The following PCOLCE2 variants were observed in gnomAD, a reference collection of about 807,000 sequenced individuals.
PCOLCE2 encodes procollagen C-proteinase enhancer 2.
PCOLCE2 carries 42 observed loss-of-function variants against 47.0 expected under a neutral mutation model. The ratio of observed to expected loss-of-function variants is 0.89; its 90% confidence interval spans 0.70 to 1.16. The LOEUF (loss-of-function observed/expected upper bound fraction) is 1.16, where lower values mean the gene tolerates loss of function less well. Ranked by LOEUF, PCOLCE2 falls within the 50% of genes most tolerant of loss-of-function variation. The probability of loss-of-function intolerance (pLI) is 0.00; values close to 1 mark genes in which losing one functional copy is unlikely to be tolerated. For missense variants in PCOLCE2, 500 were observed against 526.1 expected (o/e 0.95, Z 0.49); for synonymous variants, 169 against 191.7 (o/e 0.88, Z 0.98).
intron 6 of PCOLCE2, among the ~76,000 whole-genome samples, chr3:142,826,844 A>G (rs1369645086): frequency 6.6e-6 from 1 of 151,850 alleles, no homozygotes; most frequent in Non-Finnish European, 1.5e-5. Context: ...ATTCCCTTCC[A>G]CGGCTTTCAC....
chr3:142,842,733 C>CT lies in PCOLCE2; in HGVS notation c.573+190dup, dbSNP rs1937277752. ...CAGACAGGGCGACAAGAGCGAAACTCTGTCTCAAAAAAAAAAAAAAATATC... is the reference window on the plus strand; with the variant it reads ...CAGACAGGGCGACAAGAGCGAAACTCTTGTCTCAAAAAAAAAAAAAAATATC... On this transcript the variant is annotated intron_variant, in intron 4 of 8. Coordinates refer to ENST00000295992, the MANE Select transcript of PCOLCE2 (RefSeq NM_013363.4). This position sits in a 1 kb window ranked among gnomAD's most constrained non-coding sequence, Gnocchi z 4.1. Among the ~76,000 whole-genome samples the CT allele has an allele frequency of 6.7e-6, 1 of 148,448 alleles. No individual in the cohort carries two copies. Among genetic ancestry groups the CT allele is most frequent in the African/African-American group, 2.5e-5 (1 of 39,480 alleles).
intron 8 of PCOLCE2, among the ~76,000 whole-genome samples, chr3:142,819,390 G>C (rs1385156681): frequency 2.0e-5 from 3 of 152,144 alleles, no homozygotes; most frequent in African/African-American, 7.2e-5. Context: ...TTCCTGTGTG[G>C]GTGGACCTTG....
Position 142,821,032 on chromosome 3 carries a change from A to C in PCOLCE2, c.963T>G (p.Thr321=). The C allele has an allele frequency of 2.5e-6, 4 of 1,608,826 alleles. No homozygotes were observed. The South Asian group carries it at 4.4e-5, about 18-fold the overall frequency. The change falls in exon 8 of 9, where the codon ACT becomes ACG. Residue 321 remains threonine, a synonymous_variant. Transcript: ENST00000295992. ...YCSSDFVLAG[T]VITTITRDGS... ...CATCGCGAGTGATGGTTGTGATAAC[A>C]GTGCCGGCTAATACTGCAGAAGAAA... is the stretch of plus-strand genomic sequence containing the variant.
At chr3:142,830,424 A>G (rs1163868534) in intron 5 of PCOLCE2, among the ~76,000 whole-genome samples, 1 of 152,232 alleles carries the variant, frequency 6.6e-6, no homozygotes, top group Non-Finnish European at 1.5e-5. Flanking sequence ...TATCTTTTCT[A>G]TCCACTCCGG....
chr3:142,860,721 T>C (rs1933166356), intron 2 of PCOLCE2, among the ~76,000 whole-genome samples: 1 of 152,250 alleles, frequency 6.6e-6, no homozygotes, highest in Admixed American at 6.5e-5. Context: ...GCCTTGTTCT[T>C]TAAGTTAGCT....
chr3:142,886,347 T>C (rs999947240), intron 2 of PCOLCE2, among the ~76,000 whole-genome samples: 2 of 151,246 alleles, frequency 1.3e-5, no homozygotes, highest in African/African-American at 4.9e-5. Context: ...CTAGGGTCGT[T>C]TAAAACTTAT....
At chr3:142,870,727 A>G (rs991872651) in intron 2 of PCOLCE2, among the ~76,000 whole-genome samples, 4 of 94,204 alleles carry the variant, frequency 4.2e-5, no homozygotes, top group East Asian at 2.6e-4. Flanking sequence ...TTTTTTTTTT[A>G]CTATATACTG....
chr3:142,888,888 G>A lies in PCOLCE2; in HGVS notation c.9C>T (p.Gly3=), dbSNP rs1423664053. 5 of 1,503,258 alleles carry A rather than the reference G, an allele frequency of 3.3e-6. No individual in the cohort carries two copies. The highest frequency in any genetic ancestry group is 2.7e-5 in the East Asian group (1 of 37,026). 93.1% of individuals were successfully genotyped at this position (1,503,258 alleles called of 1,614,324 possible). A position where few individuals can be genotyped will look rare whatever the true frequency, so the allele number is the denominator to read the frequency against. MR[G]ANAWAPLCLL... Reference sequence around the variant, plus strand: ...GGCAGAGTGGCGCCCAGGCGTTCGCGCCCCTCATGGCAGCGTAGACGCTCG... The same window carrying A: ...GGCAGAGTGGCGCCCAGGCGTTCGCACCCCTCATGGCAGCGTAGACGCTCG... Residue 3 remains glycine (G), a synonymous_variant, in exon 1 of 9, where the codon GGC becomes GGT. Coordinates refer to ENST00000295992, the MANE Select transcript of PCOLCE2 (RefSeq NM_013363.4).
intron 2 of PCOLCE2, among the ~76,000 whole-genome samples, chr3:142,861,701 G>A (rs1183505445): frequency 1.3e-5 from 2 of 152,184 alleles, no homozygotes; most frequent in Non-Finnish European, 2.9e-5. Flanking sequence ...TTTGGGCTCT[G>A]CCTTTTCATG....
At chr3:142,861,956 G>A (rs761960417) in intron 2 of PCOLCE2, among the ~76,000 whole-genome samples, 5 of 152,166 alleles carry the variant, frequency 3.3e-5, no homozygotes, top group African/African-American at 7.2e-5. Context: ...AGCTTTCATC[G>A]GAGGAGCAGG....
At chr3:142,851,026 T>G (rs1932928395) in intron 2 of PCOLCE2, among the ~76,000 whole-genome samples, 1 of 152,118 alleles carries the variant, frequency 6.6e-6, no homozygotes, top group Non-Finnish European at 1.5e-5. Context: ...CAGGGACAGT[T>G]TTGCCCAATG....
At chr3:142,880,239 A>T (rs1578052044) in intron 2 of PCOLCE2, among the ~76,000 whole-genome samples, 1 of 125,984 alleles carries the variant, frequency 7.9e-6, no homozygotes, top group Non-Finnish European at 1.6e-5. Flanking sequence ...CATATACATT[A>T]AAAAAAAAAA....
chr3:142,833,993 A>G (rs1485727821), intron 5 of PCOLCE2, among the ~76,000 whole-genome samples: 1 of 152,074 alleles, frequency 6.6e-6, no homozygotes, highest in Non-Finnish European at 1.5e-5. Context: ...ATTAGCTATG[A>G]ATATAATTTC....
chr3:142,848,960 T>C (rs1238398365), intron 2 of PCOLCE2, among the ~76,000 whole-genome samples: 1 of 152,136 alleles, frequency 6.6e-6, no homozygotes, highest in Non-Finnish European at 1.5e-5. Flanking sequence ...GAGACCATCC[T>C]GGCTAACACA....
chr3:142,827,701 C>G, intron 6 of PCOLCE2: 1 of 1,069,944 alleles, frequency 9.3e-7, no homozygotes, highest in Non-Finnish European at 1.4e-6. Flanking sequence ...TGGGGAGGGG[C>G]GCGCTGTGAC....
chr3:142,841,072 C>T (rs1937259999), intron 4 of PCOLCE2, among the ~76,000 whole-genome samples: 1 of 113,804 alleles, frequency 8.8e-6, no homozygotes, highest in Non-Finnish European at 1.8e-5. Context: ...AAGACTCCGT[C>T]TCAAAAAAAA....
chr3:142,839,749 TGATA>T (rs1008209137), intron 4 of PCOLCE2, among the ~76,000 whole-genome samples: 2 of 152,212 alleles, frequency 1.3e-5, no homozygotes, highest in Non-Finnish European at 2.9e-5. Context: ...ATGTTGCACA[TGATA>T]AATATATATG....
intron 7 of PCOLCE2, 40 bp from the exon 8 acceptor site, chr3:142,821,085 G>A (rs1937008396): frequency 6.9e-7 from 1 of 1,446,452 alleles, no homozygotes; most frequent in East Asian, 2.3e-5. Flanking sequence ...GACAGTGAAG[G>A]CAAATGCAAG....
rs190204477 is a variant in PCOLCE2 at position 142,842,517 on chromosome 3, C to G, written c.573+407G>C. 1.3e-3 allele frequency among the ~76,000 whole-genome samples: 191 copies of G among 152,252 alleles called. 2 individuals are homozygous for G. The highest frequency in any genetic ancestry group is 4.5e-3 in the African/African-American group (185 of 41,536). ...TTTTGGGAGGCTAAGGCAGACGGATCTCCTGAGGCCGGGAGTTTGAGACCA... is the reference window on the plus strand; with the variant it reads ...TTTTGGGAGGCTAAGGCAGACGGATGTCCTGAGGCCGGGAGTTTGAGACCA... On this transcript the variant is annotated intron_variant, in intron 4 of 8. Coordinates refer to ENST00000295992, the MANE Select transcript of PCOLCE2 (RefSeq NM_013363.4). The surrounding 1 kb of genome is among the most constrained non-coding windows in gnomAD (Gnocchi z 4.1).
Sources: gnomAD v4.1 joint callset for allele counts (sites outside exome capture counted in the v4.1 genomes callset) on GRCh38, gnomAD v4.1.1 for gene constraint, Gnocchi (gnomAD v3.1) non-coding constraint, MANE v1.5 for transcripts, NCBI Gene and HGNC (gene_info 2026-07-23, HGNC 2026-07-21) for gene names.